Variants in PARD3B observed in about 807,000 individuals in gnomAD.
PARD3B encodes the protein par-3 family cell polarity regulator beta.
Under a neutral mutation model 130.2 loss-of-function variants are expected in PARD3B, and 103 were observed. The ratio of observed to expected loss-of-function variants is 0.79; its 90% CI spans 0.67 to 0.93. The LOEUF (loss-of-function observed/expected upper bound fraction) is 0.93, where lower values mean the gene tolerates loss of function less well. Among genes scored for constraint, PARD3B ranks in the 40% least tolerant of loss-of-function variants. The pLI is 0.00. For missense variants in PARD3B, 1,609 were observed against 1,499.2 expected (o/e 1.07, Z -1.21); for synonymous variants, 583 against 553.2 (o/e 1.05, Z -0.76).
At chr2:204,815,610 G>C (rs955031557) in intron 2 of PARD3B, among the ~76,000 whole-genome samples, 3 of 151,906 alleles carry the variant, frequency 2.0e-5, no homozygotes, top group Non-Finnish European at 4.4e-5. Context: ...AGAGGTCATT[G>C]ATTTTGAGAC....
intron 1 of PARD3B, among the ~76,000 whole-genome samples, chr2:204,614,682 T>C (rs1038862206): frequency 5.9e-5 from 9 of 151,944 alleles, no homozygotes; most frequent in African/African-American, 1.9e-4. Context: ...TTCTCATGAG[T>C]GGTTTAGTAC....
intron 1 of PARD3B, among the ~76,000 whole-genome samples, chr2:204,617,952 G>A (rs978889483): frequency 2.6e-5 from 4 of 152,130 alleles, no homozygotes; most frequent in African/African-American, 9.7e-5. Context: ...CTGTTGATAG[G>A]CATCTAGGTT....
In PARD3B at chr2:204,968,974, A is replaced by G. The variant is rs149104385; in HGVS notation, c.394+3651A>G. On this transcript the variant is annotated intron_variant, in intron 3 of 22. Coordinates refer to ENST00000406610, the MANE Select transcript of PARD3B (RefSeq NM_001302769.2). ...TATTTTCTAATGGATTTTCTAATGT[A>G]ATGCTGAATGACTGAACCCTGGGGA... 3.4e-3 allele frequency among the ~76,000 whole-genome samples: 522 copies of G among 152,364 alleles called. 4 individuals are homozygous for G. The highest frequency in any genetic ancestry group is 0.013 in the South Asian group (65 of 4,834).
rs576488631 is a variant in PARD3B at position 204,737,191 on chromosome 2, C to T, written c.222+50909C>T. 4.1e-4 allele frequency among the ~76,000 whole-genome samples: 63 copies of T among 152,264 alleles called. 1 individual carries two copies. Among genetic ancestry groups the T allele is most frequent in the African/African-American group, 1.5e-3 (63 of 41,560 alleles). On this transcript the variant is annotated intron_variant, in intron 2 of 22. Transcript: ENST00000406610. ...TTCTCCATGTTGGTCAGGCTGGTCT[C>T]GACCTCAGGTGATCCGCCTGCCTGG... is the stretch of plus-strand genomic sequence containing the variant.
At chr2:204,639,587 A>G (rs1448422030) in intron 1 of PARD3B, among the ~76,000 whole-genome samples, 1 of 152,236 alleles carries the variant, frequency 6.6e-6, no homozygotes. Context: ...CTGTTTACAC[A>G]GAATTTAATT....
intron 2 of PARD3B, among the ~76,000 whole-genome samples, chr2:204,960,590 C>T (rs1235647539): frequency 6.6e-6 from 1 of 152,104 alleles, no homozygotes; most frequent in Non-Finnish European, 1.5e-5. Flanking sequence ...ATTCTAAAAA[C>T]ATGTGAAAAA....
chr2:204,915,550 A>G (rs1478042704), intron 2 of PARD3B, among the ~76,000 whole-genome samples: 1 of 152,200 alleles, frequency 6.6e-6, no homozygotes, highest in Non-Finnish European at 1.5e-5. Context: ...GTTATATGTG[A>G]CAAAATACCT....
Position 205,261,832 on chromosome 2 carries a change from T to C in PARD3B, c.2185+16010T>C, listed in dbSNP as rs146370238. Among the ~76,000 whole-genome samples, 614 of 152,292 alleles carry C rather than the reference T, an allele frequency of 4.0e-3. 4 individuals are homozygous for C. The highest frequency in any genetic ancestry group is 5.1e-3 in the Non-Finnish European group (349 of 68,006). On this transcript the variant is annotated intron_variant, in intron 16 of 22. Transcript: ENST00000406610. ...AGGCTTATCTGGCTATTTGTAGTCC[T>C]TGCCCATGTGGCCATGGATCAGATA...
rs1242372493 is a variant in PARD3B, at chr2:205,496,703, A to G, written c.3045-3193A>G. On this transcript the variant is annotated intron_variant, in intron 20 of 22. Transcript: ENST00000406610. The stretch of plus-strand genomic sequence containing the variant: ...TGATCAAACCCATATTTTTAAATTT[A>G]TGCATTTATAGGCATATGGAAGAAT... Among the ~76,000 whole-genome samples the G allele has an allele frequency of 5.9e-5, 9 of 152,106 alleles. No homozygotes were observed. The South Asian group carries it at 1.2e-3, about 21-fold the overall frequency.
intron 3 of PARD3B, among the ~76,000 whole-genome samples, chr2:204,986,648 C>T (rs972220671): frequency 1.3e-5 from 2 of 152,152 alleles, no homozygotes; most frequent in Non-Finnish European, 2.9e-5. Flanking sequence ...GAGGATTGTT[C>T]AGAGTTTCTC....
At chr2:205,200,970 CTG>C (rs2125825106) in intron 15 of PARD3B, among the ~76,000 whole-genome samples, 1 of 152,260 alleles carries the variant, frequency 6.6e-6, no homozygotes, top group South Asian at 2.1e-4. Flanking sequence ...AGAGCTAGTT[CTG>C]TGTTTTCAGA....
chr2:204,879,147 A>T (rs1247215184), intron 2 of PARD3B, among the ~76,000 whole-genome samples: 1 of 152,188 alleles, frequency 6.6e-6, no homozygotes, highest in Non-Finnish European at 1.5e-5. Flanking sequence ...TTCTGTAATG[A>T]CCATTCAAGT....
chr2:205,224,505 T>C (rs2038433264), intron 15 of PARD3B, among the ~76,000 whole-genome samples: 1 of 150,774 alleles, frequency 6.6e-6, no homozygotes, highest in South Asian at 2.1e-4. Context: ...TTTGTGCCCA[T>C]TCATCATTCC....
intron 18 of PARD3B, among the ~76,000 whole-genome samples, chr2:205,392,758 G>C (rs1368282703): frequency 6.6e-6 from 1 of 152,082 alleles, no homozygotes; most frequent in East Asian, 1.9e-4. Context: ...CCCTACTGTT[G>C]TGAAAAGCAT....
At chr2:205,549,248 A>G (rs1413054918) in intron 21 of PARD3B, among the ~76,000 whole-genome samples, 1 of 152,178 alleles carries the variant, frequency 6.6e-6, no homozygotes, top group Non-Finnish European at 1.5e-5. Flanking sequence ...TGCGAAACTA[A>G]ACATAGTCTC....
chr2:204,656,599 C>A (rs1439664869), intron 1 of PARD3B, among the ~76,000 whole-genome samples: 1 of 152,146 alleles, frequency 6.6e-6, no homozygotes, highest in Non-Finnish European at 1.5e-5. Flanking sequence ...AGAAGTGGAA[C>A]TATTACTATG....
chr2:204,735,003 T>G (rs1462958423), intron 2 of PARD3B, among the ~76,000 whole-genome samples: 1 of 151,992 alleles, frequency 6.6e-6, no homozygotes, highest in Non-Finnish European at 1.5e-5. Context: ...AGGAAAACCT[T>G]CAGCAGTCTG....
chr2:205,444,694 A>G (rs770184010), intron 20 of PARD3B, among the ~76,000 whole-genome samples: 4 of 152,202 alleles, frequency 2.6e-5, no homozygotes, highest in Non-Finnish European at 5.9e-5. Flanking sequence ...GAGACAGAGT[A>G]AGAGATGATT....
chr2:204,674,264 T>C (rs1456346794), intron 1 of PARD3B, among the ~76,000 whole-genome samples: 1 of 152,122 alleles, frequency 6.6e-6, no homozygotes, highest in Non-Finnish European at 1.5e-5. Context: ...GAATCAGCGT[T>C]AGTTAGGTCG....
Sources: allele counts gnomAD v4.1 joint callset (sites outside exome capture counted in the v4.1 genomes callset), GRCh38; gene constraint gnomAD v4.1.1; transcripts MANE v1.5; gene names NCBI Gene and HGNC (gene_info 2026-07-23, HGNC 2026-07-21).